The following DSCAM variants were observed in gnomAD, a reference collection of about 807,000 sequenced individuals.
DSCAM encodes DS cell adhesion molecule, also known as cell adhesion molecule DSCAM.
In DSCAM, 47 loss-of-function variants were observed where a neutral mutation model predicts 217.7. The ratio of observed to expected loss-of-function variants is 0.22; its 90% confidence interval spans 0.17 to 0.28. DSCAM has a LOEUF of 0.28. Among genes scored for constraint, DSCAM ranks in the 10% least tolerant of loss-of-function variants. The probability of loss-of-function intolerance (pLI) is 1.00; values close to 1 mark genes in which losing one functional copy is unlikely to be tolerated. For synonymous variants in DSCAM, 1,056 were observed against 1,015.3 expected, an observed-to-expected ratio of 1.04 and a Z score of -0.76; for missense variants, 2,080 against 2,618.3, an observed-to-expected ratio of 0.79 and a Z score of 4.49.
In DSCAM at chr21:40,743,537, T is replaced by C. The variant is rs73360442; in HGVS notation, c.44-34766A>G. Among the ~76,000 whole-genome samples the C allele has an allele frequency of 7.1e-3, 1,084 of 152,278 alleles. 14 individuals are homozygous for C. The highest frequency in any genetic ancestry group is 0.025 in the African/African-American group (1,048 of 41,546). ...ATACAAGAGGTTAACCTGCTAGAGA[T>C]GTCGAATTTCACACCCCAAAACATG... On this transcript the variant is annotated intron_variant, in intron 1 of 32. Transcript: ENST00000400454.
chr21:40,787,945 C>A (rs1276218238), intron 1 of DSCAM, among the ~76,000 whole-genome samples: 1 of 152,132 alleles, frequency 6.6e-6, no homozygotes, highest in African/African-American at 2.4e-5. Context: ...GAAAAACAGA[C>A]ACTATGATAG....
At position 40,778,896 on chromosome 21, in the gene DSCAM, T is replaced by C. The variant is rs968664842; in HGVS notation, c.43+67723A>G. ...AAAATTATCCAGGCATGATGGTGCA[T>C]GCCTGTAATCCCAGCTACTCGGTAG... is the stretch of plus-strand genomic sequence containing the variant. On this transcript the variant is annotated intron_variant, in intron 1 of 32. Transcript: ENST00000400454. Among the ~76,000 whole-genome samples the C allele has an allele frequency of 4.6e-5, 7 of 151,996 alleles. 1 individual carries two copies. Among genetic ancestry groups the C allele is most frequent in the Admixed American group, 4.6e-4 (7 of 15,264 alleles).
chr21:40,251,465 G>T (rs2837535), intron 11 of DSCAM, among the ~76,000 whole-genome samples: 78,443 of 151,968 alleles, frequency 0.52, 21,464 homozygotes, highest in African/African-American at 0.7. Flanking sequence ...GACCTGTTGA[G>T]GTAACACTTC....
chr21:40,295,948 C>T lies in DSCAM; in HGVS notation c.2182+107G>A, dbSNP rs142905949. ...GATAGGCTTGGTGGAAACAGAGATA[C>T]GTATCTACTTGCAAGAAACTTCTCT... On this transcript the variant is annotated intron_variant, in intron 10 of 32. Coordinates refer to ENST00000400454, the MANE Select transcript of DSCAM (RefSeq NM_001389.5). The T allele has an allele frequency of 4.3e-5, 57 of 1,333,860 alleles. No individual in the cohort carries two copies. The East Asian group carries it at 8.3e-4, about 19-fold the overall frequency. The allele number at this position is 1,333,860 out of a possible 1,614,324, so 82.6% of individuals were successfully genotyped here. A position where few individuals can be genotyped will look rare whatever the true frequency, so the allele number is the denominator to read the frequency against.
intron 3 of DSCAM, among the ~76,000 whole-genome samples, chr21:40,672,903 C>T (rs919260615): frequency 2.0e-5 from 3 of 152,188 alleles, no homozygotes; most frequent in Non-Finnish European, 4.4e-5. Context: ...TCAGTCTCCA[C>T]CAGCCTCCTA....
chr21:40,179,183 CCAAAAAAAAAAA>C, intron 14 of DSCAM, 89 bp from the exon 15 acceptor site: 3 of 86,314 alleles, frequency 3.5e-5, no homozygotes, highest in Non-Finnish European at 3.8e-5. Context: ...GAATTAAAAA[CCAAAAAAAAAAA>C]AAAAAAAAAA....
chr21:40,786,647 T>C (rs753160692), intron 1 of DSCAM, among the ~76,000 whole-genome samples: 10 of 152,152 alleles, frequency 6.6e-5, no homozygotes, highest in African/African-American at 1.4e-4. Context: ...TTTGGTCAAA[T>C]AGAGTGAGAA....
intron 3 of DSCAM, among the ~76,000 whole-genome samples, chr21:40,579,615 C>T (rs1043295436): frequency 6.6e-6 from 1 of 152,104 alleles, no homozygotes; most frequent in Non-Finnish European, 1.5e-5. Context: ...CAGACTATTA[C>T]AGAGCCAGAG....
chr21:40,031,343 G>A (rs559276323), intron 32 of DSCAM, among the ~76,000 whole-genome samples: 63 of 152,224 alleles, frequency 4.1e-4, no homozygotes, highest in Admixed American at 2.2e-3. Context: ...CTAACTGAAC[G>A]TTCACTGCAT....
At chr21:40,328,317 T>C (rs758832022) in intron 8 of DSCAM, among the ~76,000 whole-genome samples, 7 of 151,964 alleles carry the variant, frequency 4.6e-5, no homozygotes, top group Non-Finnish European at 1.0e-4. Context: ...GAATGGTAAA[T>C]CCACACATTT....
chr21:40,675,045 A>G (rs1034764784), intron 3 of DSCAM, among the ~76,000 whole-genome samples: 7 of 151,204 alleles, frequency 4.6e-5, no homozygotes, highest in African/African-American at 1.7e-4. Context: ...ACGCGCACAC[A>G]CGTACACACG....
In DSCAM at chr21:40,087,745, C is replaced by T. The variant is rs1195512018; in HGVS notation, c.3851-458G>A. 3.3e-5 allele frequency among the ~76,000 whole-genome samples: 5 copies of T among 152,162 alleles called. No individual in the cohort carries two copies. The South Asian group carries it at 6.2e-4, about 19-fold the overall frequency. On this transcript the variant is annotated intron_variant, in intron 21 of 32. Transcript: ENST00000400454. ...GAACAAGTTCTACTTAACAATTTCC[C>T]GACTGTATTATAGCAAGTTGATCTT...
intron 3 of DSCAM, among the ~76,000 whole-genome samples, chr21:40,673,811 A>G (rs1461501498): frequency 6.6e-6 from 1 of 152,124 alleles, no homozygotes; most frequent in African/African-American, 2.4e-5. Context: ...GACTTCCACC[A>G]TGAGTAAAAG....
intron 8 of DSCAM, among the ~76,000 whole-genome samples, chr21:40,314,340 C>A (rs1158353792): frequency 6.6e-6 from 1 of 152,198 alleles, no homozygotes; most frequent in African/African-American, 2.4e-5. Context: ...GTCAAAGGTA[C>A]CGACAAGCAT....
intron 1 of DSCAM, among the ~76,000 whole-genome samples, chr21:40,821,149 T>TAC (rs1555892342): frequency 1.3e-5 from 2 of 150,918 alleles, no homozygotes; most frequent in East Asian, 1.9e-4. Context: ...TATATATATA[T>TAC]ACACACTCTA....
chr21:40,768,193 C>T (rs190630298), intron 1 of DSCAM, among the ~76,000 whole-genome samples: 33 of 152,272 alleles, frequency 2.2e-4, no homozygotes, highest in African/African-American at 7.2e-4. Context: ...GATTGCACCC[C>T]AGTGGCTCTG....
intron 3 of DSCAM, among the ~76,000 whole-genome samples, chr21:40,505,852 TA>T (rs2076206199): frequency 6.6e-6 from 1 of 152,224 alleles, no homozygotes; most frequent in African/African-American, 2.4e-5. Flanking sequence ...TGTGTGGTGA[TA>T]ACAACATTCT....
At chr21:40,543,098 C>T (rs538216370) in intron 3 of DSCAM, among the ~76,000 whole-genome samples, 1 of 152,258 alleles carries the variant, frequency 6.6e-6, no homozygotes, top group East Asian at 1.9e-4. Context: ...AAAAAGAATA[C>T]AGAATACATC....
chr21:40,136,151 G>T (rs148316503), intron 18 of DSCAM, among the ~76,000 whole-genome samples: 1 of 152,194 alleles, frequency 6.6e-6, no homozygotes, highest in South Asian at 2.1e-4. Flanking sequence ...GAGGGCTTAC[G>T]AAAATGAGGA....
Sources: gnomAD v4.1 joint callset for allele counts (sites outside exome capture counted in the v4.1 genomes callset) on GRCh38, gnomAD v4.1.1 for gene constraint, MANE v1.5 for transcripts, NCBI Gene and HGNC (gene_info 2026-07-23, HGNC 2026-07-21) for gene names.